The following NAV3 variants were observed in gnomAD, a reference collection of about 807,000 sequenced individuals.
The protein encoded by NAV3 is pore membrane and/or filament interacting like protein 1.
Under a neutral mutation model 244.7 loss-of-function variants are expected in NAV3, and 87 were observed. The ratio of observed to expected loss-of-function variants is 0.36; its 90% CI spans 0.30 to 0.42. The LOEUF (loss-of-function observed/expected upper bound fraction) is 0.42. NAV3 is among the 20% of genes least tolerant of loss of function. The probability of loss-of-function intolerance (pLI) is 1.00; values close to 1 mark genes in which losing one functional copy is unlikely to be tolerated. For synonymous variants in NAV3, 1,126 were observed against 1,042.2 expected (o/e 1.08, Z -1.55); for missense variants, 2,663 against 2,893.3 (o/e 0.92, Z 1.83).
intron 2 of NAV3, among the ~76,000 whole-genome samples, chr12:77,616,459 T>C (rs1871146740): frequency 1.3e-5 from 2 of 152,100 alleles, no homozygotes; most frequent in South Asian, 4.1e-4. Context: ...CAATATGCAT[T>C]TTTCTTGAAC....
At chr12:77,773,770 A>G (rs1318113393) in intron 2 of NAV3, among the ~76,000 whole-genome samples, 3 of 152,166 alleles carry the variant, frequency 2.0e-5, no homozygotes, top group African/African-American at 7.2e-5. Flanking sequence ...AGTATACATA[A>G]TATATAGTTT....
intron 2 of NAV3, among the ~76,000 whole-genome samples, chr12:77,594,019 G>A (rs770736917): frequency 6.6e-6 from 1 of 151,744 alleles, no homozygotes; most frequent in Admixed American, 6.6e-5. Context: ...ATATATATTC[G>A]TTCTCATTTT....
chr12:78,078,451 A>G (rs1247116862), intron 12 of NAV3, among the ~76,000 whole-genome samples: 1 of 116,262 alleles, frequency 8.6e-6, no homozygotes, highest in African/African-American at 3.3e-5. Context: ...GCTGGAGTGC[A>G]GTGGCGGGAT....
At chr12:78,125,490 T>C (rs908899045) in intron 16 of NAV3, among the ~76,000 whole-genome samples, 7 of 152,238 alleles carry the variant, frequency 4.6e-5, no homozygotes, top group African/African-American at 1.7e-4. Flanking sequence ...GTTTCATGTG[T>C]CTGACTCAAC....
intron 2 of NAV3, among the ~76,000 whole-genome samples, chr12:77,784,060 A>C (rs545748600): frequency 6.6e-6 from 1 of 152,310 alleles, no homozygotes; most frequent in Admixed American, 6.5e-5. Flanking sequence ...TTTTTTCATC[A>C]ATAAATGATA....
chr12:77,612,400 A>T (rs1359101595), intron 2 of NAV3, among the ~76,000 whole-genome samples: 1 of 152,134 alleles, frequency 6.6e-6, no homozygotes, highest in Non-Finnish European at 1.5e-5. Context: ...AAGGCAAATG[A>T]TGTGTTCTCA....
At chr12:77,861,138 C>T (rs1879200679) in intron 1 of NAV3, among the ~76,000 whole-genome samples, 1 of 151,770 alleles carries the variant, frequency 6.6e-6, no homozygotes, top group Non-Finnish European at 1.5e-5. Flanking sequence ...AAAATTAGCA[C>T]GTGGTTGCAA....
At chr12:78,058,771 T>C (rs1883887937) in intron 11 of NAV3, among the ~76,000 whole-genome samples, 1 of 152,164 alleles carries the variant, frequency 6.6e-6, no homozygotes, top group Non-Finnish European at 1.5e-5. Context: ...TAACTACTAC[T>C]AGGAAATATT....
chr12:78,177,870 A>G (rs1301632814), intron 28 of NAV3, among the ~76,000 whole-genome samples, 185 bp downstream of exon 28: 15 of 152,136 alleles, frequency 9.9e-5, no homozygotes, highest in Non-Finnish European at 1.3e-4. Context: ...TGATTCTATT[A>G]GTTAATCTAA....
intron 2 of NAV3, among the ~76,000 whole-genome samples, chr12:77,650,581 A>G (rs556234812): frequency 6.6e-5 from 10 of 152,288 alleles, no homozygotes; most frequent in African/African-American, 1.9e-4. Context: ...TTTTACATGT[A>G]TTATGAACCA....
intron 5 of NAV3, among the ~76,000 whole-genome samples, chr12:77,979,172 C>T (rs1266949083): frequency 6.7e-6 from 1 of 149,494 alleles, no homozygotes; most frequent in Non-Finnish European, 1.5e-5. Context: ...TCAGGAGTTC[C>T]AGACCAGCCT....
intron 1 of NAV3, among the ~76,000 whole-genome samples, chr12:77,842,500 G>A (rs534830617): frequency 1.3e-5 from 2 of 151,528 alleles, no homozygotes; most frequent in African/African-American, 4.8e-5. Context: ...CTGAATTGTA[G>A]AAGAGAAGTT....
chr12:77,960,447 A>C (rs1352840859), intron 3 of NAV3, among the ~76,000 whole-genome samples: 2 of 68,316 alleles, frequency 2.9e-5, no homozygotes, highest in Non-Finnish European at 5.8e-5. Context: ...ATATATATAT[A>C]TATACACACA....
At chr12:78,127,029 C>A in intron 16 of NAV3, 138 bp from the exon 17 acceptor site, 1 of 669,736 alleles carries the variant, frequency 1.5e-6, no homozygotes, top group Non-Finnish European at 2.5e-6. Flanking sequence ...CTTTAGTTGG[C>A]CTTTTTCAAT....
chr12:77,902,939 A>C (rs1247834305), intron 1 of NAV3, among the ~76,000 whole-genome samples: 1 of 152,206 alleles, frequency 6.6e-6, no homozygotes, highest in Non-Finnish European at 1.5e-5. Flanking sequence ...CTTTCAAGGG[A>C]TGTGAAGGAA....
At chr12:78,002,323 G>A (rs1873448638) in intron 7 of NAV3, among the ~76,000 whole-genome samples, 1 of 152,000 alleles carries the variant, frequency 6.6e-6, no homozygotes, top group Non-Finnish European at 1.5e-5. Flanking sequence ...CCATCTTTTT[G>A]CCATTTCTCA....
chr12:77,824,520 A>G (rs1012953112), intron 2 of NAV3, among the ~76,000 whole-genome samples: 7 of 152,108 alleles, frequency 4.6e-5, no homozygotes, highest in Non-Finnish European at 1.5e-5. Context: ...TTTAGAAGAA[A>G]CTAAAAAGTT....
chr12:78,010,816 T>A (rs1352632827), intron 8 of NAV3: 1 of 152,016 alleles, frequency 6.6e-6, no homozygotes, highest in African/African-American at 2.4e-5. Context: ...TGATGGCTGA[T>A]GGTGACTTTT....
chr12:77,998,349 C>A lies in NAV3; in HGVS notation c.753C>A (p.Pro251=). ...SQKKPTRLPG[P]SRVPAAGSSS... ...TATACTATTTCAGGCTTCCAGGGCCCTCTAGGGTGCCTGCTGCAGGAAGCA... is the reference window on the plus strand; with the variant it reads ...TATACTATTTCAGGCTTCCAGGGCCATCTAGGGTGCCTGCTGCAGGAAGCA... Residue 251 remains proline (P), a synonymous_variant, in exon 7 of 40, where the codon CCC becomes CCA. Transcript: ENST00000397909. The A allele has an allele frequency of 6.3e-7, 1 of 1,588,254 alleles. No individual in the cohort carries two copies. The highest frequency in any genetic ancestry group is 1.8e-5 in the Admixed American group (1 of 55,090).
Sources: allele counts gnomAD v4.1 joint callset (sites outside exome capture counted in the v4.1 genomes callset), GRCh38; gene constraint gnomAD v4.1.1; transcripts MANE v1.5; gene names NCBI Gene and HGNC (gene_info 2026-07-23, HGNC 2026-07-21).